SHC3: variants seen among roughly 807,000 people sequenced by gnomAD.
SHC3 encodes the protein SHC-transforming protein 3.
In SHC3, 15 loss-of-function variants were observed where a neutral mutation model predicts 60.4. The ratio of observed to expected loss-of-function variants is 0.25; its 90% CI spans 0.17 to 0.38. The LOEUF (loss-of-function observed/expected upper bound fraction) is 0.38, where lower values mean the gene tolerates loss of function less well. Ranked by LOEUF, SHC3 falls within the 10% of genes least tolerant of loss-of-function variation. The probability of loss-of-function intolerance (pLI) is 1.00; values close to 1 mark genes in which losing one functional copy is unlikely to be tolerated. For synonymous variants in SHC3, 294 were observed against 325.9 expected, an observed-to-expected ratio of 0.90 and a Z score of 1.05; for missense variants, 677 against 786.1, an observed-to-expected ratio of 0.86 and a Z score of 1.66.
intron 1 of SHC3, among the ~76,000 whole-genome samples, chr9:89,119,911 A>G (rs930497220): frequency 1.3e-5 from 2 of 152,378 alleles, no homozygotes; most frequent in Non-Finnish European, 2.9e-5. Context: ...CAGGAGAAAG[A>G]GCACACATGT....
chr9:89,171,969 G>A (rs757361429), intron 1 of SHC3, among the ~76,000 whole-genome samples: 23 of 152,192 alleles, frequency 1.5e-4, no homozygotes, highest in South Asian at 4.1e-4. Context: ...AAAGAAACCC[G>A]CCAGAGGTGC....
At chr9:89,084,668 G>A (rs936200877) in intron 2 of SHC3, among the ~76,000 whole-genome samples, 3 of 152,164 alleles carry the variant, frequency 2.0e-5, no homozygotes, top group South Asian at 2.1e-4. Context: ...TAACAGTTGG[G>A]TTAGAATAAG....
At chr9:89,014,847 C>T (rs1334191421) in intron 11 of SHC3, among the ~76,000 whole-genome samples, 2 of 152,272 alleles carry the variant, frequency 1.3e-5, no homozygotes, top group Non-Finnish European at 1.5e-5. Flanking sequence ...TATTGGAAAT[C>T]CCCACCCAAG....
intron 2 of SHC3, among the ~76,000 whole-genome samples, chr9:89,097,082 C>T (rs768808383): frequency 2.0e-4 from 25 of 125,664 alleles, no homozygotes; most frequent in Non-Finnish European, 3.1e-4. Flanking sequence ...CAGTGGGCAG[C>T]GCCCAGAAGG....
At chr9:89,094,628 A>G (rs1189402692) in intron 2 of SHC3, among the ~76,000 whole-genome samples, 1 of 152,154 alleles carries the variant, frequency 6.6e-6, no homozygotes, top group African/African-American at 2.4e-5. Context: ...TTTCCTTTTC[A>G]TTAGTGGAAC....
chr9:89,141,843 G>A (rs1176345063), intron 1 of SHC3, among the ~76,000 whole-genome samples: 2 of 152,026 alleles, frequency 1.3e-5, no homozygotes, highest in Non-Finnish European at 2.9e-5. Flanking sequence ...AAAGGAAAAA[G>A]AGAGAGAGAA....
chr9:89,034,079 C>T (rs1824533739), intron 11 of SHC3, among the ~76,000 whole-genome samples: 1 of 152,190 alleles, frequency 6.6e-6, no homozygotes, highest in Admixed American at 6.5e-5. Flanking sequence ...GAGTTTATGA[C>T]AGGATTACAA....
chr9:89,072,509 T>C (rs1346144694), intron 4 of SHC3, among the ~76,000 whole-genome samples: 19 of 152,152 alleles, frequency 1.2e-4, no homozygotes, highest in Non-Finnish European at 1.5e-5. Context: ...ACTCTTGTAA[T>C]TTATCAATGT....
In SHC3 at chr9:89,010,349, T is replaced by A. The variant is rs1275788032; in HGVS notation, c.*3098A>T. On this transcript the variant is annotated 3_prime_UTR_variant, in exon 12 of 12. Transcript: ENST00000375835. ...AGCTACTCAGAGGCAGCCTTGGAGG[T>A]CAAGAATCAAAGCTGACTTAAACCA... The A allele has an allele frequency of 6.6e-6, 1 of 152,160 alleles. No homozygotes were observed. Among genetic ancestry groups the A allele is most frequent in the African/African-American group, 2.4e-5 (1 of 41,412 alleles). 9.4% of individuals were successfully genotyped at this position (152,160 alleles called of 1,614,324 possible). A position where few individuals can be genotyped will look rare whatever the true frequency, so the allele number is the denominator to read the frequency against.
At chr9:89,017,014 A>G (rs1826107832) in intron 11 of SHC3, among the ~76,000 whole-genome samples, 1 of 152,248 alleles carries the variant, frequency 6.6e-6, no homozygotes, top group African/African-American at 2.4e-5. Flanking sequence ...CAAACAATGG[A>G]AACACATTCC....
At chr9:89,124,420 A>G (rs529852000) in intron 1 of SHC3, among the ~76,000 whole-genome samples, 1 of 152,348 alleles carries the variant, frequency 6.6e-6, no homozygotes, top group Admixed American at 6.5e-5. Flanking sequence ...TTACAATAGC[A>G]AAGACTTGGA....
chr9:89,040,556 A>G (rs1416890621), intron 10 of SHC3, among the ~76,000 whole-genome samples: 3 of 152,180 alleles, frequency 2.0e-5, no homozygotes, highest in Non-Finnish European at 4.4e-5. Flanking sequence ...TAAATTGACT[A>G]TATTAAACAG....
intron 1 of SHC3, among the ~76,000 whole-genome samples, chr9:89,161,493 C>A (rs1027201671): frequency 1.3e-5 from 2 of 152,130 alleles, no homozygotes; most frequent in Admixed American, 6.5e-5. Flanking sequence ...CACAGCAATG[C>A]GAGAATGGGC....
At chr9:89,029,635 T>G (rs1186791842) in intron 11 of SHC3, among the ~76,000 whole-genome samples, 1 of 152,162 alleles carries the variant, frequency 6.6e-6, no homozygotes, top group Non-Finnish European at 1.5e-5. Flanking sequence ...ATGATGAGTT[T>G]GCCCTGGAAA....
At chr9:89,159,156 A>AGTAGT (rs1312023123) in intron 1 of SHC3, among the ~76,000 whole-genome samples, 3 of 151,658 alleles carry the variant, frequency 2.0e-5, no homozygotes, top group African/African-American at 7.3e-5. Context: ...TTTAAAAAAG[A>AGTAGT]GTAGTGATAT....
At chr9:89,095,185 A>G (rs1361015073) in intron 2 of SHC3, among the ~76,000 whole-genome samples, 1 of 152,234 alleles carries the variant, frequency 6.6e-6, no homozygotes, top group Non-Finnish European at 1.5e-5. Context: ...TGGAAGCATT[A>G]TTCACACTGG....
intron 1 of SHC3, among the ~76,000 whole-genome samples, chr9:89,172,232 T>C (rs77820893): frequency 0.015 from 2,329 of 152,264 alleles, 62 homozygotes; most frequent in African/African-American, 0.053. Context: ...ACTCTGCTTA[T>C]TTATAACCGT....
intron 11 of SHC3, among the ~76,000 whole-genome samples, chr9:89,035,855 GTGT>G (rs1480674291): frequency 2.0e-5 from 2 of 97,684 alleles, no homozygotes; most frequent in African/African-American, 7.6e-5. Context: ...ATATAGATGT[GTGT>G]GTGTGTGTGT....
intron 2 of SHC3, among the ~76,000 whole-genome samples, chr9:89,090,407 G>A (rs1309403819): frequency 6.6e-6 from 1 of 152,202 alleles, no homozygotes; most frequent in Non-Finnish European, 1.5e-5. Context: ...GTTATGGTTG[G>A]GAAGTAATTC....
Sources: allele counts gnomAD v4.1 joint callset (sites outside exome capture counted in the v4.1 genomes callset), GRCh38; gene constraint gnomAD v4.1.1; transcripts MANE v1.5; gene names NCBI Gene and HGNC (gene_info 2026-07-23, HGNC 2026-07-21).